CIC: variants seen among roughly 807,000 people sequenced by gnomAD.
The protein encoded by CIC is capicua transcriptional repressor.
CIC carries 18 observed loss-of-function variants against 115.7 expected under a neutral mutation model. The observed-to-expected ratio is 0.16, with a 90% CI of 0.11 to 0.23. The LOEUF is 0.23. Among genes scored for constraint, CIC ranks in the 10% least tolerant of loss-of-function variants. The pLI, the probability that CIC is intolerant of heterozygous loss-of-function variation, is 1.00. For missense variants in CIC, 2,000 were observed against 2,159.3 expected (o/e 0.93, Z 1.46); for synonymous variants, 1,076 against 923.0 (o/e 1.17, Z -3.01).
rs2147338751 is a variant in CIC, at chr19:42,293,935, C to T, written c.6768C>T (p.Asn2256=). 1.2e-6 allele frequency: 2 copies of T among 1,613,106 alleles called. No homozygotes were observed. The highest frequency in any genetic ancestry group is 8.5e-7 in the Non-Finnish European group (1 of 1,179,984). The change falls in exon 18 of 21, where the codon AAC becomes AAT. Residue 2256 remains asparagine, a splice_region_variant and synonymous_variant. Coordinates refer to ENST00000681038, the MANE Select transcript of CIC (RefSeq NM_001386298.1). The part of the protein sequence containing the change: ...PLKKTFDSVD[N]RVLSEVDFEE... Reference sequence around the variant, plus strand: ...GGAGGTGACCCTGCCGGCCCTCCAGCAGGGTCCTGTCAGAAGTGGACTTCG... The same window carrying T: ...GGAGGTGACCCTGCCGGCCCTCCAGTAGGGTCCTGTCAGAAGTGGACTTCG...
In CIC at chr19:42,292,965, T is replaced by C; in HGVS notation, c.6206T>C (p.Met2069Thr). 6 of 1,613,738 alleles carry C rather than the reference T, an allele frequency of 3.7e-6. No homozygotes were observed. Among genetic ancestry groups the C allele is most frequent in the Admixed American group, 1.7e-5 (1 of 60,026 alleles). The stretch of plus-strand genomic sequence containing the variant: ...ATTTTCTCCCCACTAGCAGGTTCCA[T>C]GACCTACAGCTTAGTGGCCCCCAAG... The part of the protein sequence containing the change: ...SPFPSATAGS[M>T]TYSLVAPKAQ... Residue 2069 changes from methionine to threonine, a missense_variant, in exon 16 of 21, where the codon ATG becomes ACG. This residue lies in a region of CIC where 1,466 missense variants were observed against 1,390.4 expected (regional missense o/e 1.05). Transcript: ENST00000681038.
chr19:42,290,423 T>C lies in CIC; in HGVS notation c.4382T>C (p.Leu1461Pro), dbSNP rs2037998478. The C allele has an allele frequency of 6.2e-7, 1 of 1,613,918 alleles. No homozygotes were observed. Among genetic ancestry groups the C allele is most frequent in the Non-Finnish European group, 8.5e-7 (1 of 1,179,956 alleles). ...GCCTCGGCAGCCACCTCCTTCTCAC[T>C]GGGCTCAGGAACCTTCAAGGCCCAG... The part of the protein sequence containing the change: ...SSASAATSFS[L>P]GSGTFKAQES... Residue 1461 changes from leucine (L) to proline (P), a missense_variant, in exon 11 of 21, where the codon CTG (leucine) becomes CCG (proline). Leu to Pro is a moderately conservative substitution (Grantham distance 98). Coordinates refer to ENST00000681038, the MANE Select transcript of CIC (RefSeq NM_001386298.1).
rs1048800699 is a variant in CIC at position 42,295,012 on chromosome 19, A to G, written c.7375A>G (p.Thr2459Ala). The change falls in exon 21 of 21, where the codon ACT becomes GCT. Residue 2459 changes from threonine (T) to alanine (A), a missense_variant. Transcript: ENST00000681038. Reference protein sequence around the residue: ...PTGTAAAPAPTPSPAGGPDPT... With the variant: ...PTGTAAAPAPAPSPAGGPDPT... Reference sequence around the variant, plus strand: ...TGGCACCGCTGCTGCCCCTGCCCCCACTCCCAGCCCCGCAGGGGGCCCTGA... The same window carrying G: ...TGGCACCGCTGCTGCCCCTGCCCCCGCTCCCAGCCCCGCAGGGGGCCCTGA... The G allele has an allele frequency of 7.1e-7, 1 of 1,403,918 alleles. No homozygotes were observed. The highest frequency in any genetic ancestry group is 9.2e-7 in the Non-Finnish European group (1 of 1,081,622). 87.0% of individuals were successfully genotyped at this position (1,403,918 alleles called of 1,614,324 possible). A position where few individuals can be genotyped will look rare whatever the true frequency, so the allele number is the denominator to read the frequency against.
In CIC at chr19:42,291,317, C is replaced by T. The variant is rs2038081057; in HGVS notation, c.5276C>T (p.Ala1759Val). ...PAPAPAPGTK[A>V]AAPSGPAPTT... ...CCAGCACCAGCCCCTGGGACCAAGG[C>T]AGCGGCTCCCAGCGGCCCTGCACCC... Residue 1759 changes from alanine to valine, a missense_variant, in exon 11 of 21, where the codon GCA becomes GTA. Ala to Val is a moderately conservative substitution (Grantham distance 64, BLOSUM62 0). Coordinates refer to ENST00000681038, the MANE Select transcript of CIC (RefSeq NM_001386298.1). 6.2e-7 allele frequency: 1 copy of T among 1,612,734 alleles called. No individual in the cohort carries two copies. Among genetic ancestry groups the T allele is most frequent in the African/African-American group, 1.3e-5 (1 of 75,008 alleles).
In CIC at chr19:42,289,038, A is replaced by G. The variant is rs2037873535; in HGVS notation, c.3809A>G (p.His1270Arg). The change falls in exon 8 of 21, where the codon CAC becomes CGC. Residue 1270 changes from histidine to arginine, a missense_variant. This residue lies in a region of CIC where 1,466 missense variants were observed against 1,390.4 expected (regional missense o/e 1.05). Transcript: ENST00000681038. ...RPRAFSHSGV[H>R]SLDGGEVDSQ... ...CGAGCTTTCTCCCACAGCGGGGTAC[A>G]CAGCCTGGACGGCGGAGAAGTAGAC... 6.2e-7 allele frequency: 1 copy of G among 1,613,776 alleles called. No homozygotes were observed.
In CIC at chr19:42,273,515, G is replaced by A. The variant is rs2036859259; in HGVS notation, c.1732G>A (p.Asp578Asn). 4 of 398,392 alleles carry A rather than the reference G, an allele frequency of 1.0e-5. No homozygotes were observed. Among genetic ancestry groups the A allele is most frequent in the African/African-American group, 4.1e-5 (2 of 48,612 alleles). 24.7% of individuals were successfully genotyped at this position (398,392 alleles called of 1,614,324 possible). ...SEASSVAARG[D>N]SRPRLVAPAD... ...GGCCAGCAGTGTGGCGGCTCGTGGA[G>A]ACTCACGGCCACGCCTGGTGGCCCC... Residue 578 changes from aspartate to asparagine, a missense_variant, in exon 2 of 21, where the codon GAC becomes AAC. Physicochemically the swap from Asp to Asn is conservative, Grantham distance 23. Coordinates refer to ENST00000681038, the MANE Select transcript of CIC (RefSeq NM_001386298.1).
intron 7 of CIC, among the ~76,000 whole-genome samples, chr19:42,288,291 G>C (rs990496873): frequency 1.3e-5 from 2 of 152,194 alleles, no homozygotes; most frequent in African/African-American, 2.4e-5. Context: ...AAGAAACTGA[G>C]GTTCAGAGAG....
intron 2 of CIC, among the ~76,000 whole-genome samples, chr19:42,277,339 C>T (rs2037021946): frequency 1.3e-5 from 2 of 152,200 alleles, no homozygotes; most frequent in Non-Finnish European, 2.9e-5. Context: ...AAGCGATTCT[C>T]CCGCCTCAGC....
At position 42,287,649 on chromosome 19, in the gene CIC, C is replaced by G. The variant is rs181552919; in HGVS notation, c.3414C>G (p.Thr1138=). Residue 1138 remains threonine (T), a synonymous_variant, in exon 6 of 21, where the codon ACC becomes ACG. Coordinates refer to ENST00000681038, the MANE Select transcript of CIC (RefSeq NM_001386298.1). The surrounding 1 kb of genome is among the most constrained non-coding windows in gnomAD (Gnocchi z 8.7). ...HQRHPNQDNR[T]VSKILGEWWY... is the part of the protein sequence containing the mutation. ...GTCATCCCAACCAGGACAACCGGAC[C>G]GTCAGCAAGATCCTGGGCGAGTGGT... The G allele has an allele frequency of 1.2e-6, 2 of 1,613,930 alleles. No homozygotes were observed. Among genetic ancestry groups the G allele is most frequent in the East Asian group, 2.2e-5 (1 of 44,902 alleles).
rs2147186384 is a variant in CIC at position 42,287,270 on chromosome 19, G to A, written c.3179+30G>A. The A allele has an allele frequency of 1.9e-6, 3 of 1,614,074 alleles. No homozygotes were observed. The highest frequency in any genetic ancestry group is 2.5e-6 in the Non-Finnish European group (3 of 1,180,010). On this transcript the variant is annotated intron_variant, in intron 4 of 20. Coordinates refer to ENST00000681038, the MANE Select transcript of CIC (RefSeq NM_001386298.1). The surrounding 1 kb of genome is among the most constrained non-coding windows in gnomAD (Gnocchi z 8.7). ...GTTCCCTGAGGCCTGGGACTTGGGG[G>A]TGGGATGGCCAGAGACATGGCCCTC...
chr19:42,278,058 G>A (rs2037057822), intron 2 of CIC, among the ~76,000 whole-genome samples: 1 of 152,250 alleles, frequency 6.6e-6, no homozygotes, highest in Non-Finnish European at 1.5e-5. Flanking sequence ...AGGTGTGAGG[G>A]GGCGGCCCAG....
At chr19:42,288,515 T>A (rs935127812) in intron 7 of CIC, among the ~76,000 whole-genome samples, 1 of 152,050 alleles carries the variant, frequency 6.6e-6, no homozygotes, top group Admixed American at 6.6e-5. Context: ...TTCTGTGAGG[T>A]TAGATGGATA....
In CIC at chr19:42,291,230, G is replaced by A. The variant is rs2147269974; in HGVS notation, c.5189G>A (p.Gly1730Glu). 6.2e-7 allele frequency: 1 copy of A among 1,611,578 alleles called. No individual in the cohort carries two copies. The highest frequency in any genetic ancestry group is 8.5e-7 in the Non-Finnish European group (1 of 1,179,222). ...CCAGGTGCCCTGGGCAAGGCTGGGG[G>A]AATCACCCAGGTACAGTACATCCTG... The part of the protein sequence containing the change: ...LQPGALGKAG[G>E]ITQVQYILPT... Residue 1730 changes from glycine (G) to glutamate (E), a missense_variant, in exon 11 of 21, where the codon GGA becomes GAA. Transcript: ENST00000681038.
At position 42,287,470 on chromosome 19, in the gene CIC, C is replaced by G. The variant is rs529525339; in HGVS notation, c.3309+21C>G. 134 of 1,612,482 alleles carry G rather than the reference C, an allele frequency of 8.3e-5. 1 individual carries two copies. In the South Asian group the frequency reaches 1.4e-3, roughly 17 times the overall value. On this transcript the variant is annotated intron_variant, in intron 5 of 20. Transcript: ENST00000681038. The surrounding 1 kb of genome is among the most constrained non-coding windows in gnomAD (Gnocchi z 8.7). ...ACAAGGTACTTTATCCCTGCCTGTCCTGTGCTCACCCCGTGGCCACCCACA... is the reference window on the plus strand; with the variant it reads ...ACAAGGTACTTTATCCCTGCCTGTCGTGTGCTCACCCCGTGGCCACCCACA...
At position 42,284,848 on chromosome 19, in the gene CIC, T is replaced by C. The variant is rs1050950871; in HGVS notation, c.2795-1923T>C. The C allele has an allele frequency of 4.0e-6, 5 of 1,250,890 alleles. No individual in the cohort carries two copies. The Admixed American group carries it at 8.0e-5, about 20-fold the overall frequency. 77.5% of individuals were successfully genotyped at this position (1,250,890 alleles called of 1,614,324 possible). ...AAGTGCGGAGTAACGGTGGTGGGGG[T>C]ATAGTAGGGGAGAGAACAGTAGAGG... On this transcript the variant is annotated intron_variant, in intron 2 of 20. Transcript: ENST00000681038.
At chr19:42,275,435 C>G (rs1452679751) in intron 2 of CIC, among the ~76,000 whole-genome samples, 1 of 152,126 alleles carries the variant, frequency 6.6e-6, no homozygotes, top group Admixed American at 6.5e-5. Context: ...GGTGGAAGAG[C>G]CTCCTGGGAG....
rs1177232962 is a variant in CIC, at chr19:42,287,078, C to T, written c.3017C>T (p.Pro1006Leu). Residue 1006 changes from proline (P) to leucine (L), a missense_variant, in exon 4 of 21, where the codon CCC (proline) becomes CTC (leucine). Pro to Leu is a moderately conservative substitution (Grantham distance 98). Transcript: ENST00000681038. The surrounding 1 kb of genome is among the most constrained non-coding windows in gnomAD (Gnocchi z 8.7). ...GGTGSADPER[P>L]PGATCPESPG... ...ACAGGGAGTGCTGACCCTGAGCGGC[C>T]CCCTGGAGCCACATGCCCTGAGAGC... 1 of 1,613,094 alleles carries T rather than the reference C, an allele frequency of 6.2e-7. No individual in the cohort carries two copies. Among genetic ancestry groups the T allele is most frequent in the Admixed American group, 1.7e-5 (1 of 60,028 alleles).
chr19:42,269,552 A>G, intron 1 of CIC, among the ~76,000 whole-genome samples, 171 bp downstream of exon 1: 1 of 97,928 alleles, frequency 1.0e-5, no homozygotes, highest in Non-Finnish European at 2.0e-5. Context: ...GAAAAAGGGT[A>G]ACTGGGGGAG....
At chr19:42,276,473 G>A (rs2036982254) in intron 2 of CIC, among the ~76,000 whole-genome samples, 1 of 151,698 alleles carries the variant, frequency 6.6e-6, no homozygotes, top group South Asian at 2.1e-4. Flanking sequence ...CTGTGGCTTG[G>A]GCTTGGGGCA....
Sources: gnomAD v4.1 joint callset for allele counts (sites outside exome capture counted in the v4.1 genomes callset) on GRCh38, gnomAD v4.1.1 for gene constraint, gnomAD v4.1.1 regional missense constraint, Gnocchi (gnomAD v3.1) non-coding constraint, MANE v1.5 for transcripts, NCBI Gene and HGNC (gene_info 2026-07-23, HGNC 2026-07-21) for gene names.